The following HP variants were observed in gnomAD, a reference collection of about 807,000 sequenced individuals.
HP encodes haptoglobin alpha(1S)-beta.
A neutral mutation model predicts 23.2 loss-of-function variants in HP; 9 were observed. That is an observed-to-expected ratio of 0.39 (90% CI 0.23 to 0.68). HP has a LOEUF of 0.68. Ranked by LOEUF, HP falls within the 30% of genes least tolerant of loss-of-function variation. The pLI, the probability that HP is intolerant of heterozygous loss-of-function variation, is 0.47. For synonymous variants in HP, 155 were observed against 183.3 expected (o/e 0.85, Z 1.25); for missense variants, 433 against 483.6 (o/e 0.90, Z 0.98).
At position 72,057,696 on chromosome 16, in the gene HP, G is replaced by C. The variant is rs2041480259; in HGVS notation, c.265+230G>C. The C allele has an allele frequency of 3.8e-6, 2 of 525,308 alleles. 1 individual carries two copies. Among genetic ancestry groups the C allele is most frequent in the South Asian group, 3.9e-5 (2 of 51,166 alleles). 32.5% of individuals were successfully genotyped at this position (525,308 alleles called of 1,614,324 possible). On this transcript the variant is annotated intron_variant, in intron 4 of 6. Coordinates refer to ENST00000355906, the MANE Select transcript of HP (RefSeq NM_005143.5). ...CTGAAGGGCACTGGCTGAATCCACT[G>C]TCGGCACTGCCCACAGATCAGGAGA...
rs1262965790 is a variant in HP, at chr16:72,054,664, C to A, written c.5+7C>A. On this transcript the variant is annotated splice_region_variant and intron_variant, in intron 1 of 6. Transcript: ENST00000355906. ...CAAGACCAACCAAGATGAGGTGGGT[C>A]CACAGCTTTCCCTCCTGCCTTTCCT... The A allele has an allele frequency of 1.2e-6, 2 of 1,612,174 alleles. No individual in the cohort carries two copies. The highest frequency in any genetic ancestry group is 2.2e-5 in the East Asian group (1 of 44,758).
In HP at chr16:72,054,665, C is replaced by A. The variant is rs772728283; in HGVS notation, c.5+8C>A. Reference sequence around the variant, plus strand: ...AAGACCAACCAAGATGAGGTGGGTCCACAGCTTTCCCTCCTGCCTTTCCTC... The same window carrying A: ...AAGACCAACCAAGATGAGGTGGGTCAACAGCTTTCCCTCCTGCCTTTCCTC... On this transcript the variant is annotated splice_region_variant and intron_variant, in intron 1 of 6. Coordinates refer to ENST00000355906, the MANE Select transcript of HP (RefSeq NM_005143.5). 3.7e-6 allele frequency: 6 copies of A among 1,612,130 alleles called. No individual in the cohort carries two copies. Among genetic ancestry groups the A allele is most frequent in the Non-Finnish European group, 4.2e-6 (5 of 1,179,098 alleles).
chr16:72,060,319 T>C lies in HP; in HGVS notation c.650T>C (p.Ile217Thr), dbSNP rs563829767. The change falls in exon 7 of 7, where the codon ATT becomes ACT. Residue 217 changes from isoleucine to threonine, a missense_variant. Physicochemically the swap from Ile to Thr is moderately conservative, Grantham distance 89. Transcript: ENST00000355906. ...TCAGAAAATGCAACAGCGAAAGACA[T>C]TGCCCCTACTTTAACACTCTATGTG... Reference protein sequence around the residue: ...NHSENATAKDIAPTLTLYVGK... With the variant: ...NHSENATAKDTAPTLTLYVGK... 73 of 1,614,124 alleles carry C rather than the reference T, an allele frequency of 4.5e-5. No individual in the cohort carries two copies. The highest frequency in any genetic ancestry group is 1.3e-4 in the South Asian group (12 of 91,086).
Position 72,060,413 on chromosome 16 carries a change from G to A in HP, c.744G>A (p.Gly248=), listed in dbSNP as rs146377456. ...CTAACTACTCCCAGGTAGATATTGG[G>A]CTCATCAAACTCAAACAGAAGGTGT... ...LHPNYSQVDI[G]LIKLKQKVSV... is the part of the protein sequence containing the mutation. The change falls in exon 7 of 7, where the codon GGG becomes GGA. Residue 248 remains glycine, a synonymous_variant. Coordinates refer to ENST00000355906, the MANE Select transcript of HP (RefSeq NM_005143.5). The A allele has an allele frequency of 3.1e-6, 5 of 1,614,152 alleles. No homozygotes were observed. Among genetic ancestry groups the A allele is most frequent in the East Asian group, 2.2e-5 (1 of 44,850 alleles).
chr16:72,060,725 T>C lies in HP; in HGVS notation c.1056T>C (p.Tyr352=). The change falls in exon 7 of 7, where the codon TAT becomes TAC. Residue 352 remains tyrosine (Y), a synonymous_variant. Coordinates refer to ENST00000355906, the MANE Select transcript of HP (RefSeq NM_005143.5). ...CTAAGTACCAAGAAGACACCTGCTA[T>C]GGCGATGCGGGCAGTGCCTTTGCCG... is the stretch of plus-strand genomic sequence containing the variant. The part of the protein sequence containing the change: ...GMSKYQEDTC[Y]GDAGSAFAVH... 2 of 1,614,206 alleles carry C rather than the reference T, an allele frequency of 1.2e-6. No homozygotes were observed. Among genetic ancestry groups the C allele is most frequent in the Non-Finnish European group, 1.7e-6 (2 of 1,180,042 alleles).
At chr16:72,055,340 A>C (rs987986888) in intron 1 of HP, 1 of 156,454 alleles carries the variant, frequency 6.4e-6, no homozygotes, top group African/African-American at 2.4e-5. Context: ...GGCTTTCACC[A>C]TGTTGGCCAG....
chr16:72,060,525 C>A lies in HP; in HGVS notation c.856C>A (p.Arg286=), dbSNP rs758923371. 5.6e-6 allele frequency: 9 copies of A among 1,613,966 alleles called. No homozygotes were observed. ...TGTGGGTTATGTTTCTGGCTGGGGG[C>A]GAAATGCCAATTTTAAATTTACTGA... ...GRVGYVSGWG[R]NANFKFTDHL... is the part of the protein sequence containing the mutation. The change falls in exon 7 of 7, where the codon CGA becomes AGA. Residue 286 remains arginine, a synonymous_variant. Coordinates refer to ENST00000355906, the MANE Select transcript of HP (RefSeq NM_005143.5).
chr16:72,059,484 A>T (rs1240467487), intron 6 of HP: 1 of 465,456 alleles, frequency 2.1e-6, no homozygotes, highest in Non-Finnish European at 3.9e-6. Flanking sequence ...TCTAAGGAGA[A>T]GCAAGCTCCA....
chr16:72,056,188 G>A lies in HP; in HGVS notation c.33G>A (p.Leu11=). Residue 11 remains leucine, a synonymous_variant, in exon 2 of 7, where the codon CTG becomes CTA. Coordinates refer to ENST00000355906, the MANE Select transcript of HP (RefSeq NM_005143.5). The part of the protein sequence containing the change: MSALGAVIAL[L]LWGQLFAVDS... ...CCCTGGGAGCTGTCATTGCCCTCCT[G>A]CTCTGGGGACAGCTTTTTGCAGTGG... is the stretch of plus-strand genomic sequence containing the variant. The A allele has an allele frequency of 6.2e-7, 1 of 1,613,966 alleles. No individual in the cohort carries two copies. The highest frequency in any genetic ancestry group is 8.5e-7 in the Non-Finnish European group (1 of 1,179,970).
Position 72,056,215 on chromosome 16 carries a change from C to T in HP, c.60C>T (p.Asp20=), listed in dbSNP as rs1348393920. Residue 20 remains aspartate, a synonymous_variant, in exon 2 of 7, where the codon GAC becomes GAT. Coordinates refer to ENST00000355906, the MANE Select transcript of HP (RefSeq NM_005143.5). ...TCTGGGGACAGCTTTTTGCAGTGGA[C>T]TCAGGCAATGATGTCACGGATATCG... The part of the protein sequence containing the change: ...LLLWGQLFAV[D]SGNDVTDIAD... The T allele has an allele frequency of 2.5e-6, 4 of 1,614,018 alleles. No individual in the cohort carries two copies. The highest frequency in any genetic ancestry group is 3.4e-6 in the Non-Finnish European group (4 of 1,179,998).
At chr16:72,058,175 C>T (rs2041485817) in intron 4 of HP, 79 bp from the exon 5 acceptor site, 2 of 934,028 alleles carry the variant, frequency 2.1e-6, no homozygotes, top group Non-Finnish European at 3.2e-6. Flanking sequence ...TGCAGAGCAG[C>T]TCCCGCTCAT....
chr16:72,058,992 T>TC, intron 5 of HP, 122 bp from the exon 6 acceptor site: 2 of 1,086,468 alleles, frequency 1.8e-6, no homozygotes, highest in South Asian at 2.6e-5. Context: ...CTCTCTCCTT[T>TC]TCCCCTTCCT....
In HP at chr16:72,060,221, T is replaced by C. The variant is rs1293711495; in HGVS notation, c.552T>C (p.Asn184=). The C allele has an allele frequency of 6.2e-7, 1 of 1,614,070 alleles. No individual in the cohort carries two copies. Among genetic ancestry groups the C allele is most frequent in the African/African-American group, 1.3e-5 (1 of 74,936 alleles). ...AGGCTAAGATGGTTTCCCACCATAA[T>C]CTCACCACAGGTGCCACGCTGATCA... is the stretch of plus-strand genomic sequence containing the variant. ...PWQAKMVSHH[N]LTTGATLINE... The change falls in exon 7 of 7, where the codon AAT becomes AAC. Residue 184 remains asparagine (N), a synonymous_variant. Transcript: ENST00000355906.
Position 72,054,543 on chromosome 16 carries a change from T to C in HP, c.-110T>C. 1 of 1,576,066 alleles carries C rather than the reference T, an allele frequency of 6.3e-7. No individual in the cohort carries two copies. On this transcript the variant is annotated 5_prime_UTR_variant, in exon 1 of 7. Transcript: ENST00000355906. Reference sequence around the variant, plus strand: ...GTGACCTTACCAGGGCCAAAGTTTGTAGACACAGGAATTACGAAATGGAGA... The same window carrying C: ...GTGACCTTACCAGGGCCAAAGTTTGCAGACACAGGAATTACGAAATGGAGA...
chr16:72,058,973 T>C (rs2041496679), intron 5 of HP, 141 bp from the exon 6 acceptor site: 1 of 952,580 alleles, frequency 1.0e-6, no homozygotes, highest in Admixed American at 2.1e-5. Flanking sequence ...CCTTCCTCCT[T>C]CTCATATACT....
At chr16:72,057,710 C>G (rs1597409693) in intron 4 of HP, 2 of 495,234 alleles carry the variant, frequency 4.0e-6, no homozygotes, top group East Asian at 7.1e-5. Flanking sequence ...GCACTGCCCA[C>G]AGATCAGGAG....
Position 72,060,514 on chromosome 16 carries a change from C to T in HP, c.845C>T (p.Ser282Phe). Residue 282 changes from serine (S) to phenylalanine (F), a missense_variant, in exon 7 of 7, where the codon TCT (serine) becomes TTT (phenylalanine). By Grantham distance (155) the Ser-to-Phe change is radical. Around this residue, in one of 3 missense-constraint regions of HP, gnomAD observed 326 missense variants for 358.1 expected, o/e 0.91. Transcript: ENST00000355906. Reference sequence around the variant, plus strand: ...GAAGTAGGGCGTGTGGGTTATGTTTCTGGCTGGGGGCGAAATGCCAATTTT... The same window carrying T: ...GAAGTAGGGCGTGTGGGTTATGTTTTTGGCTGGGGGCGAAATGCCAATTTT... ...YAEVGRVGYV[S>F]GWGRNANFKF... 6.2e-7 allele frequency: 1 copy of T among 1,614,162 alleles called. No individual in the cohort carries two copies. The highest frequency in any genetic ancestry group is 2.2e-5 in the East Asian group (1 of 44,846).
At chr16:72,059,894 A>C in intron 6 of HP, 11 of 1,124,594 alleles carry the variant, frequency 9.8e-6, no homozygotes, top group Non-Finnish European at 1.2e-5. Flanking sequence ...CTTTGTTAGA[A>C]AAGTGGGAAA....
rs538293575 is a variant in HP at position 72,060,593 on chromosome 16, A to T, written c.924A>T (p.Gln308His). 1.5e-5 allele frequency: 25 copies of T among 1,614,118 alleles called. No individual in the cohort carries two copies. The highest frequency in any genetic ancestry group is 8.9e-5 in the East Asian group (4 of 44,840). The change falls in exon 7 of 7, where the codon CAA (glutamine) becomes CAT (histidine). Residue 308 changes from glutamine to histidine, a missense_variant. Transcript: ENST00000355906. Reference protein sequence around the residue: ...YVMLPVADQDQCIRHYEGSTV... With the variant: ...YVMLPVADQDHCIRHYEGSTV... Reference sequence around the variant, plus strand: ...TGCTGCCTGTGGCTGACCAAGACCAATGCATAAGGCATTATGAAGGCAGCA... The same window carrying T: ...TGCTGCCTGTGGCTGACCAAGACCATTGCATAAGGCATTATGAAGGCAGCA...
Sources: allele counts gnomAD v4.1 joint callset, GRCh38; gene constraint gnomAD v4.1.1; regional missense constraint gnomAD v4.1.1; transcripts MANE v1.5; gene names NCBI Gene and HGNC (gene_info 2026-07-23, HGNC 2026-07-21).